EBF1: variants seen among roughly 807,000 people sequenced by gnomAD.
EBF1 encodes transcription factor COE1.
In EBF1, 10 loss-of-function variants were observed where a neutral mutation model predicts 68.4. The observed-to-expected ratio is 0.15, with a 90% CI of 0.09 to 0.25. EBF1 has a LOEUF of 0.25. Among genes scored for constraint, EBF1 ranks in the 10% least tolerant of loss-of-function variants. The pLI is 1.00. For synonymous variants in EBF1, 298 were observed against 299.8 expected, an observed-to-expected ratio of 0.99 and a Z score of 0.06; for missense variants, 509 against 794.4, an observed-to-expected ratio of 0.64 and a Z score of 4.32.
chr5:159,095,684 G>A lies in EBF1; in HGVS notation c.356-9C>T. 1.2e-6 allele frequency: 2 copies of A among 1,614,004 alleles called. No homozygotes were observed. The highest frequency in any genetic ancestry group is 1.6e-4 in the Middle Eastern group (1 of 6,062). On this transcript the variant is annotated splice_polypyrimidine_tract_variant and intron_variant, in intron 3 of 15. Transcript: ENST00000313708. ...CTGCTCCGTCCTTATCCCTAGGGTT[G>A]GAAATGGGGGAAGGGAGGAGAATTA...
intron 10 of EBF1, among the ~76,000 whole-genome samples, chr5:158,735,801 C>A (rs1477032924): frequency 6.6e-6 from 1 of 152,192 alleles, no homozygotes; most frequent in African/African-American, 2.4e-5. Context: ...TCAGAGTCCC[C>A]TAAAGGAAAC....
Position 159,015,882 on chromosome 5 carries a change from T to C in EBF1, c.554+57514A>G, listed in dbSNP as rs576749615. ...GTGTAGTCAAAACTACCCTTGAAAA[T>C]CACTTAGATTACCCATAAAACACCA... On this transcript the variant is annotated intron_variant, in intron 6 of 15. Coordinates refer to ENST00000313708, the MANE Select transcript of EBF1 (RefSeq NM_024007.5). 5.3e-5 allele frequency among the ~76,000 whole-genome samples: 8 copies of C among 152,220 alleles called. No individual in the cohort carries two copies. The South Asian group carries it at 1.0e-3, about 20-fold the overall frequency.
At chr5:158,865,929 G>A (rs376295666) in intron 6 of EBF1, among the ~76,000 whole-genome samples, 8 of 152,196 alleles carry the variant, frequency 5.3e-5, no homozygotes, top group Non-Finnish European at 4.4e-5. Flanking sequence ...GAGCAAATAC[G>A]TTAGTCCTCA....
chr5:159,073,548 G>A (rs1778203911), intron 5 of EBF1, 84 bp from the exon 6 acceptor site: 3 of 1,457,090 alleles, frequency 2.1e-6, no homozygotes, highest in Admixed American at 3.4e-5. Context: ...CAAATTGCTG[G>A]GTTGCAAATG....
intron 6 of EBF1, among the ~76,000 whole-genome samples, chr5:158,882,632 C>T (rs1799104701): frequency 6.6e-6 from 1 of 152,116 alleles, no homozygotes; most frequent in South Asian, 2.1e-4. Flanking sequence ...AACCTTATCA[C>T]AACAATGAGT....
chr5:158,726,641 A>G (rs1192952687), intron 11 of EBF1, among the ~76,000 whole-genome samples: 2 of 152,222 alleles, frequency 1.3e-5, no homozygotes, highest in Non-Finnish European at 2.9e-5. Context: ...GAGAAAAGAC[A>G]TTGGCCCTGA....
chr5:158,700,206 T>C (rs1197925726), intron 15 of EBF1, among the ~76,000 whole-genome samples: 1 of 152,248 alleles, frequency 6.6e-6, no homozygotes, highest in Non-Finnish European at 1.5e-5. Flanking sequence ...TTTGCTCTTA[T>C]GTCAAATAGG....
intron 8 of EBF1, among the ~76,000 whole-genome samples, chr5:158,818,944 A>C (rs548735771): frequency 6.6e-6 from 1 of 152,032 alleles, no homozygotes; most frequent in Non-Finnish European, 1.5e-5. Context: ...AAAAAAAAAA[A>C]AAACTAGATC....
At chr5:158,941,366 C>A (rs2127471915) in intron 6 of EBF1, 1 of 419,786 alleles carries the variant, frequency 2.4e-6, no homozygotes, top group South Asian at 1.8e-5. Flanking sequence ...GGAACCAATA[C>A]AATGGAACCA....
rs3062333 is a variant in EBF1, at chr5:159,053,605, T to TCACACA, written c.554+19785_554+19790dup. ...CCCTCTCTCCCTCTCTCTCTCTCTC[T>TCACACA]CACACACACACACACACACACACAC... On this transcript the variant is annotated intron_variant, in intron 6 of 15. Transcript: ENST00000313708. Among the ~76,000 whole-genome samples, 387 of 146,406 alleles carry TCACACA rather than the reference T, an allele frequency of 2.6e-3. 1 individual carries two copies. Among genetic ancestry groups the TCACACA allele is most frequent in the African/African-American group, 8.0e-3 (311 of 39,090 alleles).
At chr5:158,999,106 A>G (rs926673562) in intron 6 of EBF1, among the ~76,000 whole-genome samples, 3 of 152,160 alleles carry the variant, frequency 2.0e-5, no homozygotes, top group Non-Finnish European at 4.4e-5. Context: ...AATCTGACAG[A>G]AAAAGAAACA....
chr5:158,969,212 G>A (rs1371196121), intron 6 of EBF1, among the ~76,000 whole-genome samples: 2 of 152,114 alleles, frequency 1.3e-5, no homozygotes, highest in Non-Finnish European at 2.9e-5. Flanking sequence ...TGAGGCATGA[G>A]ACTCACTTGA....
intron 8 of EBF1, among the ~76,000 whole-genome samples, chr5:158,799,733 G>C (rs1780250080): frequency 6.6e-6 from 1 of 152,140 alleles, no homozygotes; most frequent in Non-Finnish European, 1.5e-5. Flanking sequence ...ACGTGCCCCA[G>C]GGAAAGGTGA....
rs558283829 is a variant in EBF1, at chr5:159,021,093, G to A, written c.554+52303C>T. 2.6e-5 allele frequency among the ~76,000 whole-genome samples: 4 copies of A among 152,092 alleles called. No individual in the cohort carries two copies. The South Asian group carries it at 6.2e-4, about 24-fold the overall frequency. ...TTAATTCATGCCATGTTCATTATTC[G>A]AGCTCAGTAGCAACTTTGAATTTAT... is the stretch of plus-strand genomic sequence containing the variant. On this transcript the variant is annotated intron_variant, in intron 6 of 15. Coordinates refer to ENST00000313708, the MANE Select transcript of EBF1 (RefSeq NM_024007.5).
intron 5 of EBF1, among the ~76,000 whole-genome samples, chr5:159,077,629 T>C (rs533255842): frequency 1.3e-5 from 2 of 151,952 alleles, no homozygotes; most frequent in East Asian, 1.9e-4. Flanking sequence ...CAGTATGCCA[T>C]CAGGAAATAT....
At chr5:158,781,060 T>C (rs898574090) in intron 9 of EBF1, among the ~76,000 whole-genome samples, 1 of 152,192 alleles carries the variant, frequency 6.6e-6, no homozygotes, top group Non-Finnish European at 1.5e-5. Context: ...TCCATTTTCT[T>C]ATGAGACAAT....
At position 158,830,164 on chromosome 5, in the gene EBF1, AG is replaced by A. The variant is rs543081398; in HGVS notation, c.637-6848del. 2.5e-3 allele frequency among the ~76,000 whole-genome samples: 382 copies of A among 152,322 alleles called. 1 individual carries two copies. Among genetic ancestry groups the A allele is most frequent in the African/African-American group, 8.6e-3 (357 of 41,578 alleles). ...TTTACAGCTTGGAAAACTAAGGCCCAGGAGTTTAAAAAAACAACTTCAAGAT... is the reference window on the plus strand; with the variant it reads ...TTTACAGCTTGGAAAACTAAGGCCCAGAGTTTAAAAAAACAACTTCAAGAT... On this transcript the variant is annotated intron_variant, in intron 7 of 15. Transcript: ENST00000313708.
intron 11 of EBF1, among the ~76,000 whole-genome samples, chr5:158,721,989 C>T (rs185320288): frequency 5.3e-5 from 8 of 151,890 alleles, no homozygotes; most frequent in Admixed American, 3.3e-4. Flanking sequence ...TGCTTCCCGC[C>T]ACAGATACAG....
intron 6 of EBF1, among the ~76,000 whole-genome samples, chr5:158,853,029 C>T (rs1793277129): frequency 6.6e-6 from 1 of 152,174 alleles, no homozygotes; most frequent in African/African-American, 2.4e-5. Flanking sequence ...GGGTGGTCTA[C>T]ATGGCATCCG....
Sources: gnomAD v4.1 joint callset for allele counts (sites outside exome capture counted in the v4.1 genomes callset) on GRCh38, gnomAD v4.1.1 for gene constraint, MANE v1.5 for transcripts, NCBI Gene and HGNC (gene_info 2026-07-23, HGNC 2026-07-21) for gene names.